The following BIN2 variants were observed in gnomAD, a reference collection of about 807,000 sequenced individuals.
BIN2 encodes the protein breast cancer associated protein BRAP1.
In BIN2, 43 loss-of-function variants were observed where a neutral mutation model predicts 67.9. The observed-to-expected ratio is 0.63, with a 90% CI of 0.50 to 0.82. The LOEUF is 0.82. BIN2 is among the 40% of genes least tolerant of loss of function. The pLI is 0.00. For synonymous variants in BIN2, 244 were observed against 246.8 expected, an observed-to-expected ratio of 0.99 and a Z score of 0.11; for missense variants, 581 against 671.6, an observed-to-expected ratio of 0.87 and a Z score of 1.49.
In BIN2 at chr12:51,302,796, T is replaced by C; in HGVS notation, c.218-16A>G. The C allele has an allele frequency of 6.3e-7, 1 of 1,593,454 alleles. No homozygotes were observed. Among genetic ancestry groups the C allele is most frequent in the Non-Finnish European group, 8.6e-7 (1 of 1,161,304 alleles). Reference sequence around the variant, plus strand: ...TCATGCATCACTGAAAGGAGAGAATTCAGTCCCACCATCATGTTTCCCCAA... The same window carrying C: ...TCATGCATCACTGAAAGGAGAGAATCCAGTCCCACCATCATGTTTCCCCAA... On this transcript the variant is annotated splice_polypyrimidine_tract_variant and intron_variant, in intron 3 of 12. Coordinates refer to ENST00000615107, the MANE Select transcript of BIN2 (RefSeq NM_016293.4).
At chr12:51,293,593 T>C (rs568173952) in intron 9 of BIN2, among the ~76,000 whole-genome samples, 1 of 152,320 alleles carries the variant, frequency 6.6e-6, no homozygotes, top group Non-Finnish European at 1.5e-5. Context: ...ATTACAGGCG[T>C]GAGCCATCGT....
intron 5 of BIN2, among the ~76,000 whole-genome samples, chr12:51,301,154 GT>G (rs1339080318): frequency 6.6e-6 from 1 of 152,030 alleles, no homozygotes; most frequent in African/African-American, 2.4e-5. Context: ...GGAGGCGGGG[GT>G]TGCAGTGAGC....
intron 1 of BIN2, among the ~76,000 whole-genome samples, chr12:51,314,853 A>G (rs1031714390): frequency 1.3e-5 from 2 of 151,702 alleles, no homozygotes; most frequent in African/African-American, 4.8e-5. Context: ...CATTGTTATT[A>G]TTGTCATTAT....
intron 1 of BIN2, among the ~76,000 whole-genome samples, chr12:51,319,302 C>G (rs1296080236): frequency 6.6e-6 from 1 of 152,116 alleles, no homozygotes; most frequent in Non-Finnish European, 1.5e-5. Flanking sequence ...ACTTCCTCAC[C>G]CTCCAACTCT....
In BIN2 at chr12:51,309,845, A is replaced by C. The variant is rs369814966; in HGVS notation, c.162+3978T>G. 1.3e-4 allele frequency among the ~76,000 whole-genome samples: 20 copies of C among 152,278 alleles called. No homozygotes were observed. The South Asian group carries it at 3.5e-3, about 27-fold the overall frequency. On this transcript the variant is annotated intron_variant, in intron 2 of 12. Coordinates refer to ENST00000615107, the MANE Select transcript of BIN2 (RefSeq NM_016293.4). ...TTCTTCTCTTACCTTTTCTACCTAC[A>C]CATCTGCTCTTAGAGAGAGGACAAA...
intron 9 of BIN2, among the ~76,000 whole-genome samples, chr12:51,294,290 C>T (rs1482360257): frequency 6.6e-6 from 1 of 152,016 alleles, no homozygotes; most frequent in Non-Finnish European, 1.5e-5. Flanking sequence ...GCAAAACAGC[C>T]GGGCGTGGTG....
chr12:51,301,418 C>T (rs373137305), intron 5 of BIN2, among the ~76,000 whole-genome samples: 70 of 152,216 alleles, frequency 4.6e-4, no homozygotes, highest in African/African-American at 1.6e-3. Context: ...TCTTTAGTGC[C>T]ATCAGCTGTT....
chr12:51,295,923 C>T (rs749771729), intron 8 of BIN2, 45 bp from the exon 9 acceptor site: 57 of 1,518,480 alleles, frequency 3.8e-5, no homozygotes, highest in Non-Finnish European at 4.7e-5. Flanking sequence ...ACTGGGAACC[C>T]GAGAGTGGCA....
intron 3 of BIN2, 83 bp downstream of exon 3, chr12:51,303,004 G>A (rs1945770420): frequency 1.4e-6 from 2 of 1,462,036 alleles, no homozygotes; most frequent in Non-Finnish European, 1.9e-6. Context: ...CAAAAACCTG[G>A]GGGTATGGCT....
In BIN2 at chr12:51,284,799, A is replaced by G. The variant is rs190671339; in HGVS notation, c.1597-12T>C. 2 of 1,608,558 alleles carry G rather than the reference A, an allele frequency of 1.2e-6. No homozygotes were observed. The highest frequency in any genetic ancestry group is 1.7e-5 in the Admixed American group (1 of 59,978). Reference sequence around the variant, plus strand: ...AGCTGGTCTTGGCCCTACAAAGAGAAGAGTTCTGCCAGTAAGAGGTGGCTC... The same window carrying G: ...AGCTGGTCTTGGCCCTACAAAGAGAGGAGTTCTGCCAGTAAGAGGTGGCTC... On this transcript the variant is annotated splice_polypyrimidine_tract_variant and intron_variant, in intron 11 of 12. Transcript: ENST00000615107.
chr12:51,294,156 C>T (rs1209673554), intron 9 of BIN2, among the ~76,000 whole-genome samples: 1 of 152,154 alleles, frequency 6.6e-6, no homozygotes, highest in Admixed American at 6.5e-5. Context: ...AGAAAGGAAA[C>T]AGCAGAGCTA....
intron 1 of BIN2, among the ~76,000 whole-genome samples, chr12:51,316,280 C>G (rs1016415086): frequency 6.1e-5 from 9 of 148,146 alleles, no homozygotes; most frequent in African/African-American, 2.3e-4. Flanking sequence ...GTCAGGAGTT[C>G]GAGACCAACC....
At chr12:51,317,542 G>A (rs998073878) in intron 1 of BIN2, among the ~76,000 whole-genome samples, 4 of 152,114 alleles carry the variant, frequency 2.6e-5, no homozygotes, top group East Asian at 1.9e-4. Flanking sequence ...GGTGGTGCAC[G>A]CCTGCAATCC....
intron 11 of BIN2, among the ~76,000 whole-genome samples, 200 bp downstream of exon 11, chr12:51,287,908 C>T (rs1378901227): frequency 6.6e-6 from 1 of 152,174 alleles, no homozygotes; most frequent in Non-Finnish European, 1.5e-5. Flanking sequence ...GCCTCTGCCT[C>T]CCAAAGTGCT....
At chr12:51,323,950 C>A in intron 1 of BIN2, 72 bp downstream of exon 1, 1 of 1,583,258 alleles carries the variant, frequency 6.3e-7, no homozygotes, top group Admixed American at 1.8e-5. Context: ...GCCCGCCCCT[C>A]CTGCCCGGCC....
chr12:51,297,294 C>T (rs1205673181), intron 7 of BIN2, 130 bp from the exon 8 acceptor site: 39 of 796,336 alleles, frequency 4.9e-5, no homozygotes, highest in South Asian at 2.6e-4. Flanking sequence ...TCCCGCTGGG[C>T]ACAGTGGCTC....
At chr12:51,324,503 G>T (rs1481577107), upstream of BIN2, 14 of 1,531,020 alleles carry the variant, frequency 9.1e-6, no homozygotes, top group African/African-American at 1.4e-5. Context: ...CACTCAGCGA[G>T]AGGACCTACC....
chr12:51,292,680 G>T (rs917301081), intron 9 of BIN2, among the ~76,000 whole-genome samples: 16 of 152,094 alleles, frequency 1.1e-4, no homozygotes, highest in African/African-American at 3.4e-4. Flanking sequence ...TTATTTATTT[G>T]GAACCCCCAA....
upstream of BIN2, chr12:51,324,599 C>T: frequency 1.4e-6 from 2 of 1,425,360 alleles, no homozygotes. Context: ...GGCTCTAAGC[C>T]TGGAACTGGT....
Sources: allele counts gnomAD v4.1 joint callset (sites outside exome capture counted in the v4.1 genomes callset), GRCh38; gene constraint gnomAD v4.1.1; transcripts MANE v1.5; gene names NCBI Gene and HGNC (gene_info 2026-07-23, HGNC 2026-07-21).